The following GRIA4 variants were observed in gnomAD, a reference collection of about 807,000 sequenced individuals.
GRIA4 encodes the protein glutamate ionotropic receptor AMPA type subunit 4.
In GRIA4, 34 loss-of-function variants were observed where a neutral mutation model predicts 104.0. The observed-to-expected ratio is 0.33, with a 90% CI of 0.25 to 0.44. GRIA4 has a LOEUF of 0.44. Ranked by LOEUF, GRIA4 falls within the 20% of genes least tolerant of loss-of-function variation. The pLI is 1.00. For synonymous variants in GRIA4, 386 were observed against 381.9 expected, an observed-to-expected ratio of 1.01 and a Z score of -0.13; for missense variants, 750 against 1,096.5, an observed-to-expected ratio of 0.68 and a Z score of 4.46.
intron 13 of GRIA4, among the ~76,000 whole-genome samples, 162 bp from the exon 14 acceptor site, chr11:105,933,560 C>T (rs934958078): frequency 6.6e-6 from 1 of 152,030 alleles, no homozygotes. Context: ...GGCAGTTTTC[C>T]TATTTGAAAA....
chr11:105,646,699 C>A (rs564073350), intron 3 of GRIA4, among the ~76,000 whole-genome samples: 8 of 152,320 alleles, frequency 5.3e-5, no homozygotes, highest in Non-Finnish European at 8.8e-5. Flanking sequence ...GGAAAGAATT[C>A]TCCATTCAAT....
At chr11:105,699,616 T>C (rs753220471) in intron 3 of GRIA4, among the ~76,000 whole-genome samples, 63 of 152,158 alleles carry the variant, frequency 4.1e-4, no homozygotes, top group Non-Finnish European at 8.1e-4. Context: ...TCAAGGGCTA[T>C]GGTTTTATTT....
chr11:105,800,752 C>T (rs1275927927), intron 4 of GRIA4, among the ~76,000 whole-genome samples: 1 of 148,954 alleles, frequency 6.7e-6, no homozygotes, highest in East Asian at 2.0e-4. Flanking sequence ...CTCATCTAAG[C>T]CACTAATTTA....
chr11:105,650,537 C>T (rs1951656640), intron 3 of GRIA4, among the ~76,000 whole-genome samples: 1 of 152,054 alleles, frequency 6.6e-6, no homozygotes. Context: ...GACTTGACAA[C>T]AACCTAAAAC....
At chr11:105,792,523 C>T (rs1942258582) in intron 4 of GRIA4, among the ~76,000 whole-genome samples, 1 of 152,060 alleles carries the variant, frequency 6.6e-6, no homozygotes, top group Non-Finnish European at 1.5e-5. Flanking sequence ...ACAAACACAA[C>T]TTTTAGTCAT....
At chr11:105,849,015 A>G (rs898910737) in intron 4 of GRIA4, among the ~76,000 whole-genome samples, 3 of 151,982 alleles carry the variant, frequency 2.0e-5, no homozygotes, top group African/African-American at 7.2e-5. Context: ...CATGGCGACA[A>G]CCCGTCTCTA....
chr11:105,750,012 G>A (rs1246982409), intron 3 of GRIA4, among the ~76,000 whole-genome samples: 1 of 151,956 alleles, frequency 6.6e-6, no homozygotes, highest in Non-Finnish European at 1.5e-5. Flanking sequence ...ATTCAATTCA[G>A]CTTAGTTTAC....
intron 6 of GRIA4, among the ~76,000 whole-genome samples, chr11:105,891,956 T>C (rs1946469469): frequency 6.6e-6 from 1 of 152,064 alleles, no homozygotes; most frequent in South Asian, 2.1e-4. Context: ...GTAATTGTTT[T>C]TGTTATTATA....
intron 3 of GRIA4, among the ~76,000 whole-genome samples, chr11:105,671,677 CAAAAAA>C (rs377767108): frequency 2.4e-3 from 156 of 64,572 alleles, no homozygotes; most frequent in African/African-American, 9.7e-3. Flanking sequence ...GACTCTGTCT[CAAAAAA>C]AAAAAAAAAA....
rs998346405 is a variant in GRIA4, at chr11:105,955,133, CT to C, written c.2295-16774del. 3.3e-5 allele frequency among the ~76,000 whole-genome samples: 5 copies of C among 151,782 alleles called. No homozygotes were observed. In the East Asian group the frequency reaches 9.7e-4, roughly 29 times the overall value. On this transcript the variant is annotated intron_variant, in intron 14 of 16. Transcript: ENST00000282499. ...ATTATTTTCTTTTTGGTTTTTAATT[CT>C]TTTTTTCTCCTTTTTTAAAAATTTC... is the stretch of plus-strand genomic sequence containing the variant.
intron 4 of GRIA4, among the ~76,000 whole-genome samples, chr11:105,779,497 G>C (rs1251865885): frequency 1.3e-5 from 2 of 152,182 alleles, no homozygotes; most frequent in Non-Finnish European, 2.9e-5. Flanking sequence ...ACCTATGAGT[G>C]AGAATATGCG....
chr11:105,622,925 T>G (rs1405307731), intron 3 of GRIA4, among the ~76,000 whole-genome samples: 1 of 151,718 alleles, frequency 6.6e-6, no homozygotes, highest in Non-Finnish European at 1.5e-5. Context: ...CACTTATAAA[T>G]AAGCACATGT....
In GRIA4 at chr11:105,691,884, G is replaced by A. The variant is rs111345981; in HGVS notation, c.248-61097G>A. Reference sequence around the variant, plus strand: ...AGGGAGGCGGAGGTTGCAGTGAGCCGAGATGGTGCCATCGCACTGTAGCGT... The same window carrying A: ...AGGGAGGCGGAGGTTGCAGTGAGCCAAGATGGTGCCATCGCACTGTAGCGT... On this transcript the variant is annotated intron_variant, in intron 3 of 16. Transcript: ENST00000282499. Among the ~76,000 whole-genome samples the A allele has an allele frequency of 1.6e-3, 226 of 140,278 alleles. 3 individuals carry two copies. The highest frequency in any genetic ancestry group is 5.9e-3 in the African/African-American group (218 of 36,990). 92.0% of individuals were successfully genotyped at this position (140,278 alleles called of 152,430 possible).
At chr11:105,812,962 A>G (rs559398114) in intron 4 of GRIA4, among the ~76,000 whole-genome samples, 14 of 152,034 alleles carry the variant, frequency 9.2e-5, no homozygotes, top group Admixed American at 7.2e-4. Context: ...TTAGCTGGGC[A>G]TAATGGTGGG....
intron 3 of GRIA4, among the ~76,000 whole-genome samples, chr11:105,729,015 T>A (rs1378438716): frequency 6.6e-6 from 1 of 151,882 alleles, no homozygotes; most frequent in Non-Finnish European, 1.5e-5. Flanking sequence ...GAGCTGAACC[T>A]TAGGAGATAG....
chr11:105,913,240 C>CT lies in GRIA4; in HGVS notation c.1269+2695_1269+2696insT, dbSNP rs141421312. On this transcript the variant is annotated intron_variant, in intron 10 of 16. Coordinates refer to ENST00000282499, the MANE Select transcript of GRIA4 (RefSeq NM_000829.4). ...ATATTGAGAGAAAGCAGACCAGAAACATAATTAAGAATTATATTAGCTATC... is the reference window on the plus strand; with the variant it reads ...ATATTGAGAGAAAGCAGACCAGAAACTATAATTAAGAATTATATTAGCTATC... 1,110 of 410,502 alleles carry CT rather than the reference C, an allele frequency of 2.7e-3. 3 individuals carry two copies. The highest frequency in any genetic ancestry group is 3.2e-3 in the Non-Finnish European group (971 of 304,950). The allele number at this position is 410,502 out of a possible 1,614,324, so 25.4% of individuals were successfully genotyped here.
intron 4 of GRIA4, among the ~76,000 whole-genome samples, chr11:105,768,494 A>G (rs1195690319): frequency 6.6e-6 from 1 of 152,132 alleles, no homozygotes; most frequent in African/African-American, 2.4e-5. Context: ...TGGAAGTCAA[A>G]GCATTGCTTC....
At chr11:105,885,970 C>G (rs1350806827) in intron 5 of GRIA4, among the ~76,000 whole-genome samples, 2 of 152,146 alleles carry the variant, frequency 1.3e-5, no homozygotes, top group Non-Finnish European at 2.9e-5. Context: ...AATCAGCCCT[C>G]ATAGTCAGGA....
chr11:105,932,623 A>T (rs551537948), intron 13 of GRIA4, among the ~76,000 whole-genome samples: 1 of 152,308 alleles, frequency 6.6e-6, no homozygotes, highest in East Asian at 1.9e-4. Flanking sequence ...GACAGAAGTA[A>T]TTTACAAATA....
Sources: allele counts gnomAD v4.1 joint callset (sites outside exome capture counted in the v4.1 genomes callset), GRCh38; gene constraint gnomAD v4.1.1; transcripts MANE v1.5; gene names NCBI Gene and HGNC (gene_info 2026-07-23, HGNC 2026-07-21).